Variants in KIRREL3 observed in about 807,000 individuals in gnomAD.
KIRREL3 encodes the protein kin of IRRE-like protein 3.
In KIRREL3, 36 loss-of-function variants were observed where a neutral mutation model predicts 89.7. The observed-to-expected ratio is 0.40, with a 90% CI of 0.31 to 0.53. The LOEUF (loss-of-function observed/expected upper bound fraction) is 0.53, where lower values mean the gene tolerates loss of function less well. Ranked by LOEUF, KIRREL3 falls within the 20% of genes least tolerant of loss-of-function variation. The pLI, the probability that KIRREL3 is intolerant of heterozygous loss-of-function variation, is 0.49. For missense variants in KIRREL3, 864 were observed against 1,056.6 expected, an observed-to-expected ratio of 0.82 and a Z score of 2.53; for synonymous variants, 445 against 441.4, an observed-to-expected ratio of 1.01 and a Z score of -0.10.
intron 1 of KIRREL3, among the ~76,000 whole-genome samples, chr11:126,974,512 AC>A (rs1949515766): frequency 1.1e-5 from 1 of 90,310 alleles, no homozygotes; most frequent in Non-Finnish European, 2.4e-5. Flanking sequence ...CCCGTTACAC[AC>A]CTAGGCTACA....
At position 126,459,546 on chromosome 11, in the gene KIRREL3, C is replaced by T. The variant is rs1213755263; in HGVS notation, c.743-3092G>A. Among the ~76,000 whole-genome samples, 4 of 152,132 alleles carry T rather than the reference C, an allele frequency of 2.6e-5. No individual in the cohort carries two copies. Among genetic ancestry groups the T allele is most frequent in the Non-Finnish European group, 4.4e-5 (3 of 68,040 alleles). On this transcript the variant is annotated intron_variant, in intron 6 of 16. Coordinates refer to ENST00000525144, the MANE Select transcript of KIRREL3 (RefSeq NM_032531.4). This position sits in a 1 kb window ranked among gnomAD's most constrained non-coding sequence, Gnocchi z 4.8. Reference sequence around the variant, plus strand: ...TACATTTTCAGGAGTCTGCCAAGCTCCAGAGGTATAAATAGTTTATGTCAT... The same window carrying T: ...TACATTTTCAGGAGTCTGCCAAGCTTCAGAGGTATAAATAGTTTATGTCAT...
chr11:126,472,559 T>C (rs996875790), intron 5 of KIRREL3, among the ~76,000 whole-genome samples: 2 of 152,156 alleles, frequency 1.3e-5, no homozygotes, highest in Non-Finnish European at 2.9e-5. Context: ...CATAGAAATG[T>C]TGGGAGCCAC....
At chr11:126,560,921 T>G (rs1297973052) in intron 2 of KIRREL3, among the ~76,000 whole-genome samples, 1 of 152,250 alleles carries the variant, frequency 6.6e-6, no homozygotes, top group African/African-American at 2.4e-5. Flanking sequence ...TCTTGATGTA[T>G]GTCATGGCTG....
rs1172751925 is a variant in KIRREL3, at chr11:126,689,034, G to T, written c.56-126122C>A. Among the ~76,000 whole-genome samples, 1 of 144,916 alleles carries T rather than the reference G, an allele frequency of 6.9e-6. No homozygotes were observed. Reference sequence around the variant, plus strand: ...GTAGAACTATGTGTGTGTGTGTAAGGGGGAGAGAAGAGAGAGAGAGAGAGA... The same window carrying T: ...GTAGAACTATGTGTGTGTGTGTAAGTGGGAGAGAAGAGAGAGAGAGAGAGA... On this transcript the variant is annotated intron_variant, in intron 1 of 16. Transcript: ENST00000525144. This position sits in a 1 kb window ranked among gnomAD's most constrained non-coding sequence, Gnocchi z 5.2.
intron 1 of KIRREL3, among the ~76,000 whole-genome samples, chr11:126,745,562 A>T (rs1343120646): frequency 1.3e-5 from 2 of 152,190 alleles, no homozygotes; most frequent in Non-Finnish European, 2.9e-5. Context: ...AATACTTGGT[A>T]CGGCTACTTC....
chr11:126,539,307 C>A (rs1348191528), intron 2 of KIRREL3, among the ~76,000 whole-genome samples: 4 of 152,136 alleles, frequency 2.6e-5, no homozygotes, highest in African/African-American at 9.7e-5. Context: ...CTTAGTACAG[C>A]GCAAATCTAG....
rs1309126770 is a variant in KIRREL3 at position 126,563,465 on chromosome 11, C to T, written c.56-553G>A. Among the ~76,000 whole-genome samples, 3 of 152,150 alleles carry T rather than the reference C, an allele frequency of 2.0e-5. No homozygotes were observed. Among genetic ancestry groups the T allele is most frequent in the African/African-American group, 7.2e-5 (3 of 41,420 alleles). On this transcript the variant is annotated intron_variant, in intron 1 of 16. Transcript: ENST00000525144. This position sits in a 1 kb window ranked among gnomAD's most constrained non-coding sequence, Gnocchi z 6.8. The stretch of plus-strand genomic sequence containing the variant: ...GGCGACACAGAGGTTAAGGTATAGG[C>T]AGAAGAGCTCTCTCTACCTTTTGGA...
chr11:126,490,514 C>G lies in KIRREL3; in HGVS notation c.434-17048G>C, dbSNP rs534508571. 6.6e-6 allele frequency among the ~76,000 whole-genome samples: 1 copy of G among 152,034 alleles called. No individual in the cohort carries two copies. The highest frequency in any genetic ancestry group is 2.4e-5 in the African/African-American group (1 of 41,412). Reference sequence around the variant, plus strand: ...AGATACAACCTCAGTGAACAAGCCACTGGGCCAGGGATGCAGAGCTGTGTT... The same window carrying G: ...AGATACAACCTCAGTGAACAAGCCAGTGGGCCAGGGATGCAGAGCTGTGTT... On this transcript the variant is annotated intron_variant, in intron 4 of 16. Transcript: ENST00000525144. The surrounding 1 kb of genome is among the most constrained non-coding windows in gnomAD (Gnocchi z 4.2).
Position 126,656,186 on chromosome 11 carries a change from G to A in KIRREL3, c.56-93274C>T. On this transcript the variant is annotated intron_variant, in intron 1 of 16. Coordinates refer to ENST00000525144, the MANE Select transcript of KIRREL3 (RefSeq NM_032531.4). The surrounding 1 kb of genome is among the most constrained non-coding windows in gnomAD (Gnocchi z 4.0). ...AATGTTTGCAGGTGAGTGAGGTCAG[G>A]GAGGGCTACAGAGTTAGGACTCCGA... 1 of 456,152 alleles carries A rather than the reference G, an allele frequency of 2.2e-6. No homozygotes were observed. The allele number at this position is 456,152 out of a possible 1,614,324, so 28.3% of individuals were successfully genotyped here.
chr11:126,968,821 G>T (rs962101297), intron 1 of KIRREL3, among the ~76,000 whole-genome samples: 1 of 152,056 alleles, frequency 6.6e-6, no homozygotes. Flanking sequence ...AAAGGGGCAG[G>T]GGCAGTAGAT....
chr11:126,556,484 T>C (rs1245719985), intron 2 of KIRREL3, among the ~76,000 whole-genome samples: 2 of 151,716 alleles, frequency 1.3e-5, no homozygotes, highest in Non-Finnish European at 2.9e-5. Context: ...CTACGAAAAT[T>C]TAAAAAATTA....
At position 126,876,814 on chromosome 11, in the gene KIRREL3, C is replaced by A. The variant is rs530837678; in HGVS notation, c.55+123641G>T. ...CCTCCCGAAGTGCTAGGATTACAGG[C>A]GTGAGCCACCGTGCCTGGCCATAAA... On this transcript the variant is annotated intron_variant, in intron 1 of 16. Coordinates refer to ENST00000525144, the MANE Select transcript of KIRREL3 (RefSeq NM_032531.4). This position sits in a 1 kb window ranked among gnomAD's most constrained non-coding sequence, Gnocchi z 4.1. 1.3e-5 allele frequency among the ~76,000 whole-genome samples: 2 copies of A among 152,130 alleles called. No individual in the cohort carries two copies. The highest frequency in any genetic ancestry group is 4.8e-5 in the African/African-American group (2 of 41,442).
Position 126,891,064 on chromosome 11 carries a change from T to C in KIRREL3, c.55+109391A>G, listed in dbSNP as rs1036452878. On this transcript the variant is annotated intron_variant, in intron 1 of 16. Coordinates refer to ENST00000525144, the MANE Select transcript of KIRREL3 (RefSeq NM_032531.4). This position sits in a 1 kb window ranked among gnomAD's most constrained non-coding sequence, Gnocchi z 5.1. ...CACCCTCTTTGAGTTTGCCCTTAGATCTTCAGCCTGCCAAAGAGGTGGGCT... is the reference window on the plus strand; with the variant it reads ...CACCCTCTTTGAGTTTGCCCTTAGACCTTCAGCCTGCCAAAGAGGTGGGCT... 6.6e-6 allele frequency among the ~76,000 whole-genome samples: 1 copy of C among 152,232 alleles called. No homozygotes were observed. The highest frequency in any genetic ancestry group is 1.5e-5 in the Non-Finnish European group (1 of 68,048).
chr11:126,760,513 G>A (rs1001535195), intron 1 of KIRREL3, among the ~76,000 whole-genome samples: 6 of 152,216 alleles, frequency 3.9e-5, no homozygotes, highest in Admixed American at 6.5e-5. Context: ...AAGAAACACC[G>A]AAGAAGAGTC....
intron 1 of KIRREL3, among the ~76,000 whole-genome samples, chr11:126,874,843 C>T (rs561223887): frequency 6.6e-6 from 1 of 152,296 alleles, no homozygotes; most frequent in South Asian, 2.1e-4. Flanking sequence ...ACGTCAGACA[C>T]AGCCTGGTCT....
intron 1 of KIRREL3, among the ~76,000 whole-genome samples, chr11:126,839,061 A>G (rs1943871876): frequency 6.6e-6 from 1 of 152,206 alleles, no homozygotes; most frequent in South Asian, 2.1e-4. Context: ...GTCAGGGTGA[A>G]GAGTATGTCA....
rs1480242085 is a variant in KIRREL3 at position 126,474,510 on chromosome 11, G to A, written c.434-1044C>T. On this transcript the variant is annotated intron_variant, in intron 4 of 16. Transcript: ENST00000525144. The surrounding 1 kb of genome is among the most constrained non-coding windows in gnomAD (Gnocchi z 6.7). The stretch of plus-strand genomic sequence containing the variant: ...CCCTTCACAGTGGAGCCAGCGCTTC[G>A]GAGGGCTGTGTAAGCGCTGGCATCT... Among the ~76,000 whole-genome samples the A allele has an allele frequency of 6.6e-6, 1 of 152,324 alleles. No individual in the cohort carries two copies. Among genetic ancestry groups the A allele is most frequent in the Non-Finnish European group, 1.5e-5 (1 of 68,024 alleles).
chr11:126,902,334 C>T (rs748089785), intron 1 of KIRREL3, among the ~76,000 whole-genome samples: 5 of 152,204 alleles, frequency 3.3e-5, no homozygotes, highest in Non-Finnish European at 5.9e-5. Flanking sequence ...GGAAGAGGAT[C>T]CCATTGCTTA....
rs990225496 is a variant in KIRREL3 at position 126,917,808 on chromosome 11, C to G, written c.55+82647G>C. On this transcript the variant is annotated intron_variant, in intron 1 of 16. Coordinates refer to ENST00000525144, the MANE Select transcript of KIRREL3 (RefSeq NM_032531.4). This position sits in a 1 kb window ranked among gnomAD's most constrained non-coding sequence, Gnocchi z 5.0. ...CTCATTGTCTAACCTTAGGCATGGA[C>G]TTTAGAATTGAGGTGGCGTTTCTGA... 6.6e-6 allele frequency among the ~76,000 whole-genome samples: 1 copy of G among 152,156 alleles called. No homozygotes were observed. Among genetic ancestry groups the G allele is most frequent in the African/African-American group, 2.4e-5 (1 of 41,442 alleles).
Sources: allele counts gnomAD v4.1 joint callset (sites outside exome capture counted in the v4.1 genomes callset), GRCh38; gene constraint gnomAD v4.1.1; non-coding constraint Gnocchi (gnomAD v3.1); transcripts MANE v1.5; gene names NCBI Gene and HGNC (gene_info 2026-07-23, HGNC 2026-07-21).